MYO5A: variants seen among roughly 807,000 people sequenced by gnomAD.
MYO5A encodes unconventional myosin-Va.
In MYO5A, 98 loss-of-function variants were observed where a neutral mutation model predicts 249.7. The observed-to-expected ratio is 0.39, with a 90% CI of 0.33 to 0.46. MYO5A has a LOEUF of 0.46. Among genes scored for constraint, MYO5A ranks in the 20% least tolerant of loss-of-function variants. The pLI is 0.98. For synonymous variants in MYO5A, 778 were observed against 810.6 expected (o/e 0.96, Z 0.68); for missense variants, 1,696 against 2,308.8 (o/e 0.73, Z 5.44).
chr15:52,330,200 T>G, intron 35 of MYO5A, 153 bp downstream of exon 35: 1 of 1,022,488 alleles, frequency 9.8e-7, no homozygotes, highest in Non-Finnish European at 1.5e-6. Flanking sequence ...AAGTGCTTGG[T>G]GTGGTCAGAA....
At chr15:52,360,539 A>G (rs1303073022) in intron 24 of MYO5A, among the ~76,000 whole-genome samples, 31 of 152,222 alleles carry the variant, frequency 2.0e-4, no homozygotes, top group Admixed American at 2.0e-3. Flanking sequence ...GTTTAAAAGA[A>G]AGATGAAGGA....
intron 1 of MYO5A, among the ~76,000 whole-genome samples, chr15:52,451,612 C>A (rs1444619890): frequency 6.6e-6 from 1 of 152,172 alleles, no homozygotes; most frequent in Non-Finnish European, 1.5e-5. Flanking sequence ...CACTGCTTAG[C>A]CCCTCTATTC....
chr15:52,429,506 T>C (rs553403698), intron 2 of MYO5A, among the ~76,000 whole-genome samples: 5 of 151,918 alleles, frequency 3.3e-5, no homozygotes, highest in African/African-American at 9.6e-5. Context: ...CTGGCCAACA[T>C]GGTGAAACCC....
chr15:52,344,574 C>T (rs1181173608), intron 30 of MYO5A, among the ~76,000 whole-genome samples: 1 of 152,208 alleles, frequency 6.6e-6, no homozygotes, highest in Non-Finnish European at 1.5e-5. Flanking sequence ...ACCAGCCAAG[C>T]CCAAGTCACC....
intron 1 of MYO5A, among the ~76,000 whole-genome samples, chr15:52,461,503 C>G (rs1356018176): frequency 3.9e-5 from 6 of 152,260 alleles, no homozygotes; most frequent in African/African-American, 1.4e-4. Context: ...CTTGCCCAAA[C>G]AAAACAGCAT....
chr15:52,394,456 G>A (rs753606362), intron 11 of MYO5A, among the ~76,000 whole-genome samples: 2 of 152,214 alleles, frequency 1.3e-5, no homozygotes, highest in Admixed American at 6.5e-5. Flanking sequence ...GGGTTCACAG[G>A]AAGTTTAAAG....
chr15:52,376,488 T>G lies in MYO5A; in HGVS notation c.2279A>C (p.Lys760Thr). 2 of 1,614,218 alleles carry G rather than the reference T, an allele frequency of 1.2e-6. No individual in the cohort carries two copies. The highest frequency in any genetic ancestry group is 1.7e-6 in the Non-Finnish European group (2 of 1,180,044). ...AGCTCTCAGTTTGTCAGCTCTCAAT[T>G]TTTCTAGATAGGCCACTTGACCGGC... is the stretch of plus-strand genomic sequence containing the variant. ...FRAGQVAYLE[K>T]LRADKLRAAC... Residue 760 changes from lysine (K) to threonine (T), a missense_variant, in exon 19 of 42, where the codon AAA becomes ACA. By Grantham distance (78) the Lys-to-Thr change is moderately conservative. Around this residue, in one of 5 missense-constraint regions of MYO5A, gnomAD observed 277 missense variants for 422.4 expected, o/e 0.66. Coordinates refer to ENST00000399233, the MANE Select transcript of MYO5A (RefSeq NM_001382347.1).
At chr15:52,388,578 C>A (rs967578754) in intron 13 of MYO5A, among the ~76,000 whole-genome samples, 2 of 152,134 alleles carry the variant, frequency 1.3e-5, no homozygotes, top group Admixed American at 1.3e-4. Context: ...TAAAGGAGAC[C>A]CTGTGAAACT....
intron 36 of MYO5A, chr15:52,323,918 C>T: frequency 5.5e-6 from 1 of 182,448 alleles, no homozygotes; most frequent in Non-Finnish European, 1.1e-5. Flanking sequence ...GTAGGAGAAT[C>T]ACTTAAATCC....
At position 52,332,398 on chromosome 15, in the gene MYO5A, C is replaced by A. The variant is rs113485385; in HGVS notation, c.4409-1899G>T. On this transcript the variant is annotated intron_variant, in intron 34 of 41. Transcript: ENST00000399233. ...AGAGATGTTGAAATGGGAAACACTG[C>A]ATCTCAGAATTTGTGAAATACAATG... Among the ~76,000 whole-genome samples, 1,251 of 152,282 alleles carry A rather than the reference C, an allele frequency of 8.2e-3. 16 individuals are homozygous for A. Among genetic ancestry groups the A allele is most frequent in the African/African-American group, 0.027 (1,138 of 41,566 alleles).
At chr15:52,317,942 G>C (rs927127690) in intron 39 of MYO5A, among the ~76,000 whole-genome samples, 1 of 152,158 alleles carries the variant, frequency 6.6e-6, no homozygotes, top group East Asian at 1.9e-4. Context: ...ATAATATTGC[G>C]ACAGGTGGCT....
chr15:52,350,552 G>A (rs1319722560), intron 28 of MYO5A, among the ~76,000 whole-genome samples: 1 of 152,190 alleles, frequency 6.6e-6, no homozygotes, highest in African/African-American at 2.4e-5. Flanking sequence ...GTGATGCTCT[G>A]CTGTGTGCAC....
chr15:52,402,007 T>G (rs987114455), intron 9 of MYO5A, among the ~76,000 whole-genome samples: 26 of 152,210 alleles, frequency 1.7e-4, no homozygotes, highest in African/African-American at 6.3e-4. Flanking sequence ...TTCTATTTTG[T>G]TTCATTGGGG....
At chr15:52,367,717 TC>T (rs2141074601) in intron 22 of MYO5A, among the ~76,000 whole-genome samples, 1 of 152,268 alleles carries the variant, frequency 6.6e-6, no homozygotes, top group East Asian at 1.9e-4. Context: ...CTCTTTCATC[TC>T]CCTTTAAGAG....
At chr15:52,324,139 G>T (rs940553845) in intron 36 of MYO5A, among the ~76,000 whole-genome samples, 1 of 148,264 alleles carries the variant, frequency 6.7e-6, no homozygotes, top group African/African-American at 2.5e-5. Flanking sequence ...TTGTGATAAA[G>T]AATATGAAAA....
intron 4 of MYO5A, among the ~76,000 whole-genome samples, chr15:52,417,176 A>G (rs532879312): frequency 1.4e-4 from 22 of 152,338 alleles, no homozygotes; most frequent in Admixed American, 4.6e-4. Context: ...CATCACAACT[A>G]AGGATGAATC....
chr15:52,387,410 C>A (rs1396092711), intron 14 of MYO5A, among the ~76,000 whole-genome samples: 3 of 152,230 alleles, frequency 2.0e-5, no homozygotes, highest in Non-Finnish European at 2.9e-5. Flanking sequence ...TCCCTTCAAA[C>A]TGACAGGGCA....
chr15:52,314,673 GT>G (rs1303737031), intron 40 of MYO5A, among the ~76,000 whole-genome samples: 1 of 151,776 alleles, frequency 6.6e-6, no homozygotes, highest in Non-Finnish European at 1.5e-5. Context: ...TCTTTTGAAT[GT>G]TTTTTAAATC....
At position 52,319,233 on chromosome 15, in the gene MYO5A, G is replaced by A. The variant is rs2038182232; in HGVS notation, c.5061C>T (p.Asp1687=). 1.2e-6 allele frequency: 2 copies of A among 1,614,068 alleles called. No individual in the cohort carries two copies. Among genetic ancestry groups the A allele is most frequent in the Non-Finnish European group, 1.7e-6 (2 of 1,180,028 alleles). ...SIADEGTYTL[D]SILRQLNSFH... ...AGGAGTTGAGCTGCCGGAGGATGGA[G>A]TCCAGTGTGTAGGTGCCCTCATCGG... Residue 1687 remains aspartate (D), a synonymous_variant, in exon 39 of 42, where the codon GAC becomes GAT. Transcript: ENST00000399233.
Sources: gnomAD v4.1 joint callset for allele counts (sites outside exome capture counted in the v4.1 genomes callset) on GRCh38, gnomAD v4.1.1 for gene constraint, gnomAD v4.1.1 regional missense constraint, MANE v1.5 for transcripts, NCBI Gene and HGNC (gene_info 2026-07-23, HGNC 2026-07-21) for gene names.